SPIRE1: variants seen among roughly 807,000 people sequenced by gnomAD.
The protein encoded by SPIRE1 is protein spire homolog 1.
SPIRE1 carries 40 observed loss-of-function variants against 94.1 expected under a neutral mutation model. The observed-to-expected ratio is 0.43, with a 90% CI of 0.33 to 0.55. The LOEUF is 0.55. Among genes scored for constraint, SPIRE1 ranks in the 20% least tolerant of loss-of-function variants. SPIRE1 has a pLI of 0.06. For missense variants in SPIRE1, 838 were observed against 975.2 expected (o/e 0.86, Z 1.87); for synonymous variants, 376 against 371.7 (o/e 1.01, Z -0.13).
intron 2 of SPIRE1, among the ~76,000 whole-genome samples, chr18:12,587,091 C>G (rs2036409581): frequency 6.6e-6 from 1 of 152,134 alleles, no homozygotes; most frequent in Non-Finnish European, 1.5e-5. Context: ...TCCTTCTGAT[C>G]AAGAAACTGA....
intron 4 of SPIRE1, among the ~76,000 whole-genome samples, chr18:12,529,717 G>A (rs28609920): frequency 0.013 from 1,982 of 152,278 alleles, 51 homozygotes; most frequent in African/African-American, 0.044. Context: ...TTTGGGTGAT[G>A]TTTATGTGTA....
chr18:12,490,112 C>T (rs545566888), intron 8 of SPIRE1, among the ~76,000 whole-genome samples: 6 of 152,196 alleles, frequency 3.9e-5, no homozygotes, highest in East Asian at 1.9e-4. Flanking sequence ...CATTTGAACT[C>T]GGAATTCTAG....
chr18:12,591,065 G>A (rs796772934), intron 2 of SPIRE1, among the ~76,000 whole-genome samples: 30 of 152,288 alleles, frequency 2.0e-4, no homozygotes, highest in African/African-American at 7.2e-4. Context: ...ACATTAGAAG[G>A]CATTAAATGC....
intron 8 of SPIRE1, among the ~76,000 whole-genome samples, chr18:12,491,394 T>C (rs1288262584): frequency 6.6e-6 from 1 of 151,888 alleles, no homozygotes; most frequent in African/African-American, 2.4e-5. Flanking sequence ...TCTTACAATA[T>C]ATTATAAAGT....
At chr18:12,638,167 G>A (rs2037987860) in intron 1 of SPIRE1, among the ~76,000 whole-genome samples, 1 of 152,182 alleles carries the variant, frequency 6.6e-6, no homozygotes, top group South Asian at 2.1e-4. Flanking sequence ...TAATTTGGCT[G>A]GGTGTGGTGT....
chr18:12,460,489 G>T (rs1024967057), intron 12 of SPIRE1, among the ~76,000 whole-genome samples: 1 of 152,218 alleles, frequency 6.6e-6, no homozygotes, highest in Non-Finnish European at 1.5e-5. Flanking sequence ...GAGGCGGGCA[G>T]ATCACCTGAG....
At chr18:12,489,028 A>G (rs2033139310) in intron 8 of SPIRE1, among the ~76,000 whole-genome samples, 2 of 152,172 alleles carry the variant, frequency 1.3e-5, no homozygotes, top group South Asian at 4.2e-4. Context: ...TACTAAAAAA[A>G]ATACAAAAAA....
At chr18:12,504,101 A>T (rs769467107) in intron 6 of SPIRE1, among the ~76,000 whole-genome samples, 1 of 147,122 alleles carries the variant, frequency 6.8e-6, no homozygotes, top group African/African-American at 2.5e-5. Context: ...CCTCATCTGT[A>T]AAGTAAATCA....
At chr18:12,473,537 G>C (rs967437254) in intron 10 of SPIRE1, among the ~76,000 whole-genome samples, 2 of 152,138 alleles carry the variant, frequency 1.3e-5, no homozygotes, top group African/African-American at 4.8e-5. Context: ...ACAGCTATCA[G>C]GCATCATGTT....
intron 1 of SPIRE1, among the ~76,000 whole-genome samples, chr18:12,641,401 G>A (rs1041417011): frequency 5.5e-5 from 8 of 146,366 alleles, no homozygotes; most frequent in African/African-American, 2.0e-4. Context: ...ATGGAGTCTC[G>A]CTCTGTCGCC....
At chr18:12,622,879 G>A (rs1347089276) in intron 2 of SPIRE1, among the ~76,000 whole-genome samples, 2 of 152,126 alleles carry the variant, frequency 1.3e-5, no homozygotes, top group Non-Finnish European at 2.9e-5. Context: ...TCACTATGGT[G>A]TCCTTCTTCC....
intron 2 of SPIRE1, among the ~76,000 whole-genome samples, chr18:12,615,345 AATATAT>A (rs71174107): frequency 4.1e-4 from 7 of 17,242 alleles, no homozygotes; most frequent in Admixed American, 5.9e-4. Context: ...AAAAAAAAAA[AATATAT>A]ATATATATAT....
intron 2 of SPIRE1, among the ~76,000 whole-genome samples, chr18:12,579,597 A>G (rs896468844): frequency 3.3e-5 from 5 of 152,232 alleles, no homozygotes; most frequent in African/African-American, 1.2e-4. Context: ...CCACTGAACT[A>G]TACAATCAAG....
intron 2 of SPIRE1, among the ~76,000 whole-genome samples, chr18:12,614,692 C>T (rs1238358188): frequency 1.3e-5 from 2 of 151,986 alleles, no homozygotes; most frequent in African/African-American, 2.4e-5. Flanking sequence ...GTCACGGGCG[C>T]CTGTAACCCC....
intron 2 of SPIRE1, among the ~76,000 whole-genome samples, chr18:12,595,222 C>A (rs1473541511): frequency 6.6e-6 from 1 of 152,178 alleles, no homozygotes; most frequent in East Asian, 1.9e-4. Flanking sequence ...GGGAGGATCA[C>A]CTGAGCCCAG....
chr18:12,500,187 T>C (rs530388463), intron 6 of SPIRE1, among the ~76,000 whole-genome samples: 3 of 152,380 alleles, frequency 2.0e-5, no homozygotes, highest in Non-Finnish European at 2.9e-5. Flanking sequence ...CAATGTTCAC[T>C]ATTTAAGTGA....
intron 2 of SPIRE1, among the ~76,000 whole-genome samples, chr18:12,584,431 A>AG (rs1398846586): frequency 6.6e-6 from 1 of 152,114 alleles, no homozygotes; most frequent in Non-Finnish European, 1.5e-5. Context: ...CTCCATCTCA[A>AG]GAAAAAAAAA....
intron 10 of SPIRE1, among the ~76,000 whole-genome samples, chr18:12,474,900 C>A (rs2032504978): frequency 1.3e-5 from 2 of 152,148 alleles, no homozygotes; most frequent in African/African-American, 2.4e-5. Flanking sequence ...GTAGGTGATA[C>A]AACTGAGAAG....
chr18:12,458,775 C>A (rs923762648), intron 12 of SPIRE1, among the ~76,000 whole-genome samples: 1 of 152,102 alleles, frequency 6.6e-6, no homozygotes, highest in African/African-American at 2.4e-5. Flanking sequence ...AAAAAGCCAC[C>A]GTGGCACCTG....
Sources: allele counts gnomAD v4.1 joint callset (sites outside exome capture counted in the v4.1 genomes callset), GRCh38; gene constraint gnomAD v4.1.1; transcripts MANE v1.5; gene names NCBI Gene and HGNC (gene_info 2026-07-23, HGNC 2026-07-21).